The following KCNMB2 variants were observed in gnomAD, a reference collection of about 807,000 sequenced individuals.
KCNMB2 encodes the protein calcium-activated potassium channel subunit beta-2.
KCNMB2 carries 9 observed loss-of-function variants against 24.5 expected under a neutral mutation model. The ratio of observed to expected loss-of-function variants is 0.37; its 90% CI spans 0.22 to 0.64. KCNMB2 has a LOEUF of 0.64. KCNMB2 is among the 30% of genes least tolerant of loss of function. The pLI, the probability that KCNMB2 is intolerant of heterozygous loss-of-function variation, is 0.63. For synonymous variants in KCNMB2, 109 were observed against 104.4 expected, an observed-to-expected ratio of 1.04 and a Z score of -0.27; for missense variants, 226 against 284.3, an observed-to-expected ratio of 0.79 and a Z score of 1.47.
At chr3:178,555,529 C>A (rs1047959041) in intron 1 of KCNMB2, among the ~76,000 whole-genome samples, 4 of 152,130 alleles carry the variant, frequency 2.6e-5, no homozygotes, top group African/African-American at 9.7e-5. Flanking sequence ...CACATGTGCT[C>A]ATATGATGGG....
At chr3:178,668,763 A>T (rs1720802793) in intron 1 of KCNMB2, among the ~76,000 whole-genome samples, 3 of 152,194 alleles carry the variant, frequency 2.0e-5, no homozygotes, top group Admixed American at 2.0e-4. Flanking sequence ...TAAAGCTATG[A>T]TTACTTATAA....
chr3:178,728,314 A>T (rs6783917), intron 1 of KCNMB2, among the ~76,000 whole-genome samples: 17,642 of 152,186 alleles, frequency 0.12, 1,114 homozygotes, highest in Non-Finnish European at 0.14. Flanking sequence ...AACATTAAAG[A>T]CACATTTGTA....
chr3:178,807,742 A>T (rs1053970875), intron 2 of KCNMB2, among the ~76,000 whole-genome samples: 1 of 152,132 alleles, frequency 6.6e-6, no homozygotes, highest in Admixed American at 6.6e-5. Context: ...GCTTTCAGAT[A>T]TCAATAAGAA....
intron 1 of KCNMB2, among the ~76,000 whole-genome samples, chr3:178,624,639 T>C (rs1266838958): frequency 6.6e-6 from 1 of 151,236 alleles, no homozygotes; most frequent in Non-Finnish European, 1.5e-5. Flanking sequence ...TTTATTCTCC[T>C]CATCAGTTTC....
At chr3:178,701,502 T>C (rs1010113872) in intron 1 of KCNMB2, among the ~76,000 whole-genome samples, 4 of 152,090 alleles carry the variant, frequency 2.6e-5, no homozygotes, top group African/African-American at 9.7e-5. Flanking sequence ...AAGAAAGTCA[T>C]TGGTAGCTTG....
At chr3:178,767,104 C>T (rs189860396) in intron 1 of KCNMB2, among the ~76,000 whole-genome samples, 1 of 152,200 alleles carries the variant, frequency 6.6e-6, no homozygotes, top group East Asian at 1.9e-4. Flanking sequence ...CCGAACAATC[C>T]CCCAAAACAA....
At chr3:178,764,923 CAAGTA>C (rs770493188) in intron 1 of KCNMB2, among the ~76,000 whole-genome samples, 1 of 152,024 alleles carries the variant, frequency 6.6e-6, no homozygotes, top group African/African-American at 2.4e-5. Flanking sequence ...TGAACTAATA[CAAGTA>C]AAGTATAATA....
intron 1 of KCNMB2, among the ~76,000 whole-genome samples, chr3:178,550,203 C>T (rs920531043): frequency 1.6e-4 from 24 of 151,918 alleles, no homozygotes; most frequent in African/African-American, 5.8e-4. Flanking sequence ...GTAATCCCAG[C>T]ACTTTGGGAG....
At chr3:178,648,090 T>C (rs1172102026) in intron 1 of KCNMB2, among the ~76,000 whole-genome samples, 1 of 152,144 alleles carries the variant, frequency 6.6e-6, no homozygotes, top group Non-Finnish European at 1.5e-5. Flanking sequence ...AGCCCTATTT[T>C]TCCCTTTGTT....
intron 1 of KCNMB2, among the ~76,000 whole-genome samples, chr3:178,699,488 T>C (rs1329638139): frequency 2.0e-5 from 3 of 152,070 alleles, no homozygotes; most frequent in Non-Finnish European, 4.4e-5. Context: ...TGTGAGGCCA[T>C]AGGGGCTGGC....
In KCNMB2 at chr3:178,844,126, C is replaced by T. The variant is rs189522886; in HGVS notation, c.*1189C>T. On this transcript the variant is annotated 3_prime_UTR_variant, in exon 5 of 5. Transcript: ENST00000452583. ...TTACTTTTGTGTTTGGGGGAAAATA[C>T]GAGGGATTGATTTTAAATAAAAAAC... The T allele has an allele frequency of 5.6e-4, 85 of 152,428 alleles. No homozygotes were observed. The highest frequency in any genetic ancestry group is 1.8e-3 in the African/African-American group (75 of 41,512). 9.4% of individuals were successfully genotyped at this position (152,428 alleles called of 1,614,324 possible).
intron 1 of KCNMB2, among the ~76,000 whole-genome samples, chr3:178,705,861 T>C (rs575607221): frequency 3.3e-5 from 5 of 152,290 alleles, no homozygotes; most frequent in African/African-American, 1.2e-4. Context: ...GAGTCAGTGG[T>C]AGGAGAAATA....
At chr3:178,710,685 G>A (rs1722423571) in intron 1 of KCNMB2, among the ~76,000 whole-genome samples, 1 of 152,094 alleles carries the variant, frequency 6.6e-6, no homozygotes. Context: ...CCAAAGAAAA[G>A]CCATTATGCA....
intron 1 of KCNMB2, among the ~76,000 whole-genome samples, chr3:178,619,757 T>G (rs923515379): frequency 6.6e-6 from 1 of 152,120 alleles, no homozygotes; most frequent in Non-Finnish European, 1.5e-5. Flanking sequence ...AAATAAAAAT[T>G]TACATGTTTT....
intron 1 of KCNMB2, among the ~76,000 whole-genome samples, chr3:178,803,887 C>T (rs532369638): frequency 3.3e-5 from 5 of 152,286 alleles, no homozygotes; most frequent in East Asian, 1.9e-4. Flanking sequence ...TTATAAATTT[C>T]TGAGACGGGG....
intron 1 of KCNMB2, among the ~76,000 whole-genome samples, chr3:178,658,074 T>C (rs1056467291): frequency 6.6e-6 from 1 of 152,202 alleles, no homozygotes; most frequent in Non-Finnish European, 1.5e-5. Context: ...CAGTCCTATT[T>C]TGCCATTACT....
chr3:178,704,537 G>C (rs755996086), intron 1 of KCNMB2, among the ~76,000 whole-genome samples: 1 of 151,912 alleles, frequency 6.6e-6, no homozygotes, highest in Non-Finnish European at 1.5e-5. Flanking sequence ...TGTATTTATT[G>C]GCACATGGTT....
intron 1 of KCNMB2, among the ~76,000 whole-genome samples, chr3:178,700,381 T>C (rs939866354): frequency 6.6e-5 from 10 of 152,224 alleles, no homozygotes; most frequent in African/African-American, 2.4e-4. Flanking sequence ...AAAGTACACA[T>C]ATATTTTGGA....
intron 1 of KCNMB2, among the ~76,000 whole-genome samples, chr3:178,687,316 A>T (rs917008823): frequency 6.6e-6 from 1 of 152,122 alleles, no homozygotes; most frequent in East Asian, 1.9e-4. Flanking sequence ...CTATCCTGAT[A>T]AAAGGAAGAT....
Sources: allele counts gnomAD v4.1 joint callset (sites outside exome capture counted in the v4.1 genomes callset), GRCh38; gene constraint gnomAD v4.1.1; transcripts MANE v1.5; gene names NCBI Gene and HGNC (gene_info 2026-07-23, HGNC 2026-07-21).